Variants in FHIT observed in about 807,000 individuals in gnomAD.
FHIT encodes the protein fragile histidine triad diadenosine triphosphatase, also known as bis(5'-adenosyl)-triphosphatase.
A neutral mutation model predicts 17.9 loss-of-function variants in FHIT; 19 were observed. The ratio of observed to expected loss-of-function variants is 1.06; its 90% CI spans 0.74 to 1.56. The LOEUF is 1.56. FHIT is among the 40% of genes most tolerant of loss of function. FHIT has a pLI of 0.00. For synonymous variants in FHIT, 81 were observed against 69.7 expected (o/e 1.16, Z -0.81); for missense variants, 248 against 189.2 (o/e 1.31, Z -1.82).
At chr3:60,459,210 C>A (rs2594242) in intron 5 of FHIT, among the ~76,000 whole-genome samples, 1 of 152,114 alleles carries the variant, frequency 6.6e-6, no homozygotes, top group South Asian at 2.1e-4. Context: ...CATCCCAGAG[C>A]TAGTGAATTA....
chr3:60,801,506 A>G (rs1701185504), intron 4 of FHIT, among the ~76,000 whole-genome samples: 1 of 152,224 alleles, frequency 6.6e-6, no homozygotes, highest in Non-Finnish European at 1.5e-5. Flanking sequence ...AAGCCCTACC[A>G]GTGGGGGCTA....
chr3:60,118,047 T>C (rs1434485213), intron 5 of FHIT, among the ~76,000 whole-genome samples: 2 of 152,190 alleles, frequency 1.3e-5, no homozygotes, highest in East Asian at 3.9e-4. Flanking sequence ...AAGGATATTA[T>C]TTATCTTTTA....
intron 5 of FHIT, among the ~76,000 whole-genome samples, chr3:60,325,489 A>G (rs1235328120): frequency 6.6e-6 from 1 of 152,232 alleles, no homozygotes; most frequent in African/African-American, 2.4e-5. Flanking sequence ...TTTTTTAGAA[A>G]TGTAATTAAT....
At chr3:60,032,482 C>T (rs972737247) in intron 5 of FHIT, among the ~76,000 whole-genome samples, 5 of 151,700 alleles carry the variant, frequency 3.3e-5, no homozygotes, top group Admixed American at 3.3e-4. Flanking sequence ...AAAATAAAAA[C>T]ATTATTGGGG....
At chr3:61,137,677 T>C (rs2036956289) in intron 2 of FHIT, among the ~76,000 whole-genome samples, 1 of 152,160 alleles carries the variant, frequency 6.6e-6, no homozygotes, top group Non-Finnish European at 1.5e-5. Flanking sequence ...CAGACATCCA[T>C]TGAAACTGCT....
At chr3:60,973,214 A>G (rs527371050) in intron 3 of FHIT, among the ~76,000 whole-genome samples, 2 of 152,322 alleles carry the variant, frequency 1.3e-5, no homozygotes, top group East Asian at 3.9e-4. Flanking sequence ...GATAGAGTAC[A>G]GGAAAATCAT....
At chr3:60,479,740 A>G (rs1386990272) in intron 5 of FHIT, among the ~76,000 whole-genome samples, 1 of 152,148 alleles carries the variant, frequency 6.6e-6, no homozygotes, top group East Asian at 1.9e-4. Context: ...TAGAAGCATG[A>G]ACCCTATTGT....
intron 5 of FHIT, among the ~76,000 whole-genome samples, chr3:60,447,951 T>A (rs1462461058): frequency 1.3e-5 from 2 of 152,140 alleles, no homozygotes; most frequent in Non-Finnish European, 2.9e-5. Flanking sequence ...CAGAAGAAAG[T>A]AAAAGAGAAA....
At chr3:59,751,544 T>C (rs1366848162) in intron 9 of FHIT, 5 of 216,824 alleles carry the variant, frequency 2.3e-5, no homozygotes, top group Non-Finnish European at 3.7e-5. Context: ...TGCATAAAAA[T>C]TTGGAGTAGA....
chr3:59,792,808 A>T (rs1466299802), intron 8 of FHIT, among the ~76,000 whole-genome samples: 1 of 146,730 alleles, frequency 6.8e-6, no homozygotes, highest in Non-Finnish European at 1.5e-5. Context: ...TTATTTCTAT[A>T]TATGTTGTTC....
chr3:60,649,387 G>T (rs2039939913), intron 4 of FHIT, among the ~76,000 whole-genome samples: 1 of 152,144 alleles, frequency 6.6e-6, no homozygotes, highest in Admixed American at 6.5e-5. Flanking sequence ...GGGTGACAGA[G>T]CGAGAGTCCA....
intron 3 of FHIT, among the ~76,000 whole-genome samples, chr3:60,999,135 C>G (rs2030882949): frequency 6.6e-6 from 1 of 152,054 alleles, no homozygotes; most frequent in Non-Finnish European, 1.5e-5. Context: ...TTGTTCTGAA[C>G]CTCCTGATTA....
chr3:61,232,502 TG>T (rs1451960784), intron 1 of FHIT, among the ~76,000 whole-genome samples: 2 of 152,162 alleles, frequency 1.3e-5, no homozygotes, highest in Non-Finnish European at 2.9e-5. Context: ...CACCACCCCT[TG>T]GAGGAGGAGG....
At chr3:60,733,661 T>C (rs2042078290) in intron 4 of FHIT, among the ~76,000 whole-genome samples, 1 of 152,194 alleles carries the variant, frequency 6.6e-6, no homozygotes, top group African/African-American at 2.4e-5. Flanking sequence ...TCATTCCTCA[T>C]TACCAAACTG....
chr3:60,781,624 G>A (rs1200083538), intron 4 of FHIT, among the ~76,000 whole-genome samples: 1 of 152,070 alleles, frequency 6.6e-6, no homozygotes, highest in African/African-American at 2.4e-5. Context: ...CATGTTCAAA[G>A]TACATATCCT....
chr3:60,538,491 T>G, intron 4 of FHIT, among the ~76,000 whole-genome samples: 1 of 152,180 alleles, frequency 6.6e-6, no homozygotes, highest in Non-Finnish European at 1.5e-5. Context: ...AAGTCAATCC[T>G]AAGCCAAAAG....
chr3:61,078,842 C>G (rs1421287411), intron 2 of FHIT, among the ~76,000 whole-genome samples: 3 of 151,966 alleles, frequency 2.0e-5, no homozygotes, highest in Non-Finnish European at 2.9e-5. Flanking sequence ...ACAGCTGTAC[C>G]CAGGAAAAGT....
chr3:59,780,275 T>G (rs1161758692), intron 8 of FHIT, among the ~76,000 whole-genome samples: 2 of 152,228 alleles, frequency 1.3e-5, no homozygotes, highest in Non-Finnish European at 2.9e-5. Flanking sequence ...GGGTTTGATA[T>G]GTAACGGGCC....
chr3:60,983,955 A>G (rs1710605897), intron 3 of FHIT, among the ~76,000 whole-genome samples: 1 of 152,224 alleles, frequency 6.6e-6, no homozygotes, highest in Admixed American at 6.5e-5. Flanking sequence ...ACCTGAAATG[A>G]TAAAGACAAA....
Sources: allele counts gnomAD v4.1 joint callset (sites outside exome capture counted in the v4.1 genomes callset), GRCh38; gene constraint gnomAD v4.1.1; transcripts MANE v1.5; gene names NCBI Gene and HGNC (gene_info 2026-07-23, HGNC 2026-07-21).